Variants in RAB3C observed in about 807,000 individuals in gnomAD.
RAB3C encodes the protein RAB3C, member RAS oncogene family.
RAB3C carries 17 observed loss-of-function variants against 26.4 expected under a neutral mutation model. The observed-to-expected ratio is 0.64, with a 90% CI of 0.44 to 0.97. The LOEUF (loss-of-function observed/expected upper bound fraction) is 0.97, where lower values mean the gene tolerates loss of function less well. RAB3C is among the 50% of genes least tolerant of loss of function. The pLI is 0.00. For synonymous variants in RAB3C, 91 were observed against 95.9 expected (o/e 0.95, Z 0.30); for missense variants, 242 against 281.9 (o/e 0.86, Z 1.01).
At chr5:58,583,620 G>A (rs549351678) in intron 1 of RAB3C, among the ~76,000 whole-genome samples, 171 of 152,332 alleles carry the variant, frequency 1.1e-3, no homozygotes, top group African/African-American at 4.0e-3. Flanking sequence ...CAGATTCGGG[G>A]TTGAAGGCTC....
At chr5:58,590,733 T>C (rs1280862336) in intron 1 of RAB3C, among the ~76,000 whole-genome samples, 1 of 151,946 alleles carries the variant, frequency 6.6e-6, no homozygotes, top group East Asian at 1.9e-4. Flanking sequence ...CGTAGAGACA[T>C]AGGGTTTCAC....
rs2111827226 is a variant in RAB3C at position 58,673,159 on chromosome 5, AC to A, written c.253-52841del. On this transcript the variant is annotated intron_variant, in intron 2 of 4. Transcript: ENST00000282878. Reference sequence around the variant, plus strand: ...TAGGCAAGGTGCTCTGCATGAAGAAACCTATTTAGTGAGTAGACTAGCCTTG... The same window carrying A: ...TAGGCAAGGTGCTCTGCATGAAGAAACTATTTAGTGAGTAGACTAGCCTTG... Among the ~76,000 whole-genome samples, 3 of 152,058 alleles carry A rather than the reference AC, an allele frequency of 2.0e-5. No individual in the cohort carries two copies. In the South Asian group the frequency reaches 6.2e-4, roughly 32 times the overall value.
intron 4 of RAB3C, among the ~76,000 whole-genome samples, chr5:58,830,054 G>A (rs1743578019): frequency 6.6e-6 from 1 of 152,126 alleles, no homozygotes; most frequent in Non-Finnish European, 1.5e-5. Flanking sequence ...GATAAAGGAA[G>A]GGCATGAAGT....
At chr5:58,681,181 A>G (rs1374373293) in intron 2 of RAB3C, among the ~76,000 whole-genome samples, 3 of 152,232 alleles carry the variant, frequency 2.0e-5, no homozygotes, top group Admixed American at 6.5e-5. Flanking sequence ...CAAAGAAGGA[A>G]ATAGTGAGGC....
intron 3 of RAB3C, 114 bp from the exon 4 acceptor site, chr5:58,824,924 G>A (rs952418164): frequency 3.4e-5 from 21 of 616,572 alleles, no homozygotes; most frequent in Middle Eastern, 3.2e-4. Flanking sequence ...TTTGGACATC[G>A]TGTTTTTTTT....
At chr5:58,682,537 A>G (rs181341539) in intron 2 of RAB3C, among the ~76,000 whole-genome samples, 1 of 151,640 alleles carries the variant, frequency 6.6e-6, no homozygotes, top group East Asian at 1.9e-4. Context: ...ACAAAAAATT[A>G]GCCGGGCGTG....
chr5:58,805,663 A>C (rs1161800161), intron 3 of RAB3C, among the ~76,000 whole-genome samples: 1 of 152,120 alleles, frequency 6.6e-6, no homozygotes, highest in Non-Finnish European at 1.5e-5. Flanking sequence ...CAGAGAACAT[A>C]GAAAAATGTT....
intron 3 of RAB3C, among the ~76,000 whole-genome samples, chr5:58,733,286 A>G (rs1442409389): frequency 2.6e-5 from 4 of 152,210 alleles, no homozygotes; most frequent in Admixed American, 6.6e-5. Context: ...AAAATTACAT[A>G]GAAAACGCAG....
At chr5:58,775,199 T>C (rs1175772390) in intron 3 of RAB3C, among the ~76,000 whole-genome samples, 1 of 152,136 alleles carries the variant, frequency 6.6e-6, no homozygotes, top group Admixed American at 6.6e-5. Context: ...CCATACTTTC[T>C]GTCCTCATCT....
At chr5:58,613,898 C>T (rs1265958948) in intron 1 of RAB3C, among the ~76,000 whole-genome samples, 1 of 151,904 alleles carries the variant, frequency 6.6e-6, no homozygotes, top group East Asian at 1.9e-4. Flanking sequence ...GCTTATGGAG[C>T]CCGAGGGGTT....
intron 3 of RAB3C, among the ~76,000 whole-genome samples, chr5:58,736,438 A>C (rs1741136792): frequency 6.6e-6 from 1 of 152,228 alleles, no homozygotes; most frequent in African/African-American, 2.4e-5. Flanking sequence ...TACAGCTCCC[A>C]TAAAACGAAT....
intron 2 of RAB3C, among the ~76,000 whole-genome samples, chr5:58,629,027 GAAAAAAAA>G (rs70973148): frequency 1.1e-4 from 6 of 56,076 alleles, no homozygotes; most frequent in East Asian, 1.3e-3. Context: ...CTCACTTCTG[GAAAAAAAA>G]AAAAAAAAAA....
At chr5:58,796,224 T>A (rs1362336969) in intron 3 of RAB3C, among the ~76,000 whole-genome samples, 1 of 152,210 alleles carries the variant, frequency 6.6e-6, no homozygotes, top group Non-Finnish European at 1.5e-5. Context: ...TCCTCACCTA[T>A]GAAATTAGAA....
intron 2 of RAB3C, among the ~76,000 whole-genome samples, chr5:58,677,993 T>TGTGTGTGTGTGG (rs1748263054): frequency 6.6e-6 from 1 of 151,288 alleles, no homozygotes; most frequent in African/African-American, 2.4e-5. Flanking sequence ...TGTGTGTGTG[T>TGTGTGTGTGTGG]GTGTGTGTGC....
intron 2 of RAB3C, among the ~76,000 whole-genome samples, chr5:58,649,675 C>T (rs529415475): frequency 5.3e-5 from 8 of 152,144 alleles, no homozygotes; most frequent in African/African-American, 1.9e-4. Context: ...TTCACCAAGC[C>T]CGACAAGCTC....
At chr5:58,793,519 T>G (rs1007139924) in intron 3 of RAB3C, among the ~76,000 whole-genome samples, 4 of 144,182 alleles carry the variant, frequency 2.8e-5, no homozygotes, top group Non-Finnish European at 6.0e-5. Context: ...ATCGTGCCGC[T>G]GCACTCCACC....
At chr5:58,786,857 A>G (rs1742398880) in intron 3 of RAB3C, among the ~76,000 whole-genome samples, 1 of 151,318 alleles carries the variant, frequency 6.6e-6, no homozygotes, top group Non-Finnish European at 1.5e-5. Context: ...AGCCCCCCGC[A>G]TAGGAAAGTT....
At chr5:58,792,286 A>C (rs1403603845) in intron 3 of RAB3C, among the ~76,000 whole-genome samples, 2 of 152,240 alleles carry the variant, frequency 1.3e-5, no homozygotes, top group African/African-American at 4.8e-5. Flanking sequence ...TCCAGGAATT[A>C]AGGAAAAGGT....
chr5:58,642,395 T>C (rs1022361332), intron 2 of RAB3C, among the ~76,000 whole-genome samples: 1 of 152,194 alleles, frequency 6.6e-6, no homozygotes, highest in Non-Finnish European at 1.5e-5. Context: ...CTTTCTCTCT[T>C]ATAACTATTT....
Sources: gnomAD v4.1 joint callset for allele counts (sites outside exome capture counted in the v4.1 genomes callset) on GRCh38, gnomAD v4.1.1 for gene constraint, MANE v1.5 for transcripts, NCBI Gene and HGNC (gene_info 2026-07-23, HGNC 2026-07-21) for gene names.